The following DPY19L1 variants were observed in gnomAD, a reference collection of about 807,000 sequenced individuals.
DPY19L1 encodes dpy-19 like C-mannosyltransferase 1.
In DPY19L1, 35 loss-of-function variants were observed where a neutral mutation model predicts 96.9. The observed-to-expected ratio is 0.36, with a 90% CI of 0.28 to 0.48. The LOEUF (loss-of-function observed/expected upper bound fraction) is 0.48, where lower values mean the gene tolerates loss of function less well. Ranked by LOEUF, DPY19L1 falls within the 20% of genes least tolerant of loss-of-function variation. DPY19L1 has a pLI of 0.99. For missense variants in DPY19L1, 521 were observed against 777.9 expected, an observed-to-expected ratio of 0.67 and a Z score of 3.93; for synonymous variants, 205 against 252.6, an observed-to-expected ratio of 0.81 and a Z score of 1.79.
intron 7 of DPY19L1, among the ~76,000 whole-genome samples, chr7:34,989,224 C>T (rs563984878): frequency 6.6e-6 from 1 of 152,278 alleles, no homozygotes; most frequent in East Asian, 1.9e-4. Context: ...GTTTCTGCAA[C>T]AAAAAGTTAT....
At chr7:35,024,308 C>G (rs1407647716) in intron 1 of DPY19L1, among the ~76,000 whole-genome samples, 2 of 152,180 alleles carry the variant, frequency 1.3e-5, no homozygotes, top group Non-Finnish European at 2.9e-5. Context: ...GTTAAGGACA[C>G]TCCTTAAATC....
At chr7:35,005,683 C>T (rs529878897) in intron 6 of DPY19L1, among the ~76,000 whole-genome samples, 37 of 147,846 alleles carry the variant, frequency 2.5e-4, no homozygotes, top group Admixed American at 1.3e-3. Flanking sequence ...TGTGGTGGTG[C>T]GCGCCTGTAA....
At chr7:35,029,252 T>C (rs898633939) in intron 1 of DPY19L1, among the ~76,000 whole-genome samples, 1 of 152,238 alleles carries the variant, frequency 6.6e-6, no homozygotes, top group African/African-American at 2.4e-5. Flanking sequence ...AAAGTAACTT[T>C]CTTCTTATTA....
chr7:34,941,311 A>G (rs1784008533), intron 18 of DPY19L1, among the ~76,000 whole-genome samples: 1 of 152,206 alleles, frequency 6.6e-6, no homozygotes, highest in Admixed American at 6.5e-5. Context: ...CCACCAAGGA[A>G]GGCTTAAACT....
chr7:34,984,196 T>G (rs1181461697), intron 7 of DPY19L1, among the ~76,000 whole-genome samples: 1 of 152,164 alleles, frequency 6.6e-6, no homozygotes, highest in Non-Finnish European at 1.5e-5. Context: ...ATAAAATTCT[T>G]AAAACTAAAG....
At chr7:34,963,066 A>G (rs13311085) in intron 10 of DPY19L1, among the ~76,000 whole-genome samples, 1 of 151,868 alleles carries the variant, frequency 6.6e-6, no homozygotes, top group Non-Finnish European at 1.5e-5. Flanking sequence ...GTGGTGGCAC[A>G]TGCCTCTAAT....
In DPY19L1 at chr7:34,931,507, A is replaced by G. The variant is rs534300547; in HGVS notation, c.*66T>C. Reference sequence around the variant, plus strand: ...AAAGTTTTTGGGATATGAACAACACATGACTTAGCAAAACATTAAAACCAT... The same window carrying G: ...AAAGTTTTTGGGATATGAACAACACGTGACTTAGCAAAACATTAAAACCAT... On this transcript the variant is annotated 3_prime_UTR_variant, in exon 22 of 22. Coordinates refer to ENST00000638088, the MANE Select transcript of DPY19L1 (RefSeq NM_001366673.1). The G allele has an allele frequency of 1.4e-6, 2 of 1,429,444 alleles. No individual in the cohort carries two copies. The highest frequency in any genetic ancestry group is 5.4e-5 in the Admixed American group (2 of 37,134). 88.5% of individuals were successfully genotyped at this position (1,429,444 alleles called of 1,614,324 possible).
At position 34,974,897 on chromosome 7, in the gene DPY19L1, C is replaced by T. The variant is rs149064429; in HGVS notation, c.823-1292G>A. Among the ~76,000 whole-genome samples, 19 of 152,186 alleles carry T rather than the reference C, an allele frequency of 1.2e-4. No individual in the cohort carries two copies. In the East Asian group the frequency reaches 1.4e-3, roughly 11 times the overall value. On this transcript the variant is annotated intron_variant, in intron 7 of 21. Coordinates refer to ENST00000638088, the MANE Select transcript of DPY19L1 (RefSeq NM_001366673.1). Reference sequence around the variant, plus strand: ...TTTTTCATTATTACTATATCTGCTACGGTGATCTGTGATCAGTAATCTCTG... The same window carrying T: ...TTTTTCATTATTACTATATCTGCTATGGTGATCTGTGATCAGTAATCTCTG...
chr7:35,026,422 G>A (rs1015502442), intron 1 of DPY19L1, among the ~76,000 whole-genome samples: 1 of 152,178 alleles, frequency 6.6e-6, no homozygotes, highest in African/African-American at 2.4e-5. Context: ...CTGGCATGGG[G>A]GTTGGTGATT....
chr7:34,982,830 A>G (rs971964328), intron 7 of DPY19L1, among the ~76,000 whole-genome samples: 16 of 152,168 alleles, frequency 1.1e-4, no homozygotes, highest in African/African-American at 3.9e-4. Flanking sequence ...GGAGTGGGGG[A>G]GAGTCAGAAC....
chr7:34,981,517 T>A (rs532886040), intron 7 of DPY19L1, among the ~76,000 whole-genome samples: 12 of 152,238 alleles, frequency 7.9e-5, no homozygotes, highest in Non-Finnish European at 8.8e-5. Context: ...GGCATTTTTA[T>A]AATAGAGACA....
chr7:35,003,108 C>T (rs1222095537), intron 6 of DPY19L1, among the ~76,000 whole-genome samples: 6 of 152,246 alleles, frequency 3.9e-5, no homozygotes, highest in South Asian at 2.1e-4. Context: ...GTTCAACACT[C>T]GGCCAAACAG....
chr7:34,934,818 T>C (rs1185336296), intron 21 of DPY19L1, among the ~76,000 whole-genome samples: 1 of 152,190 alleles, frequency 6.6e-6, no homozygotes, highest in African/African-American at 2.4e-5. Context: ...TTGTTCACCC[T>C]CCGCTCACCT....
intron 8 of DPY19L1, 118 bp from the exon 9 acceptor site, chr7:34,969,650 C>T (rs1784684532): frequency 2.0e-6 from 1 of 491,298 alleles, no homozygotes; most frequent in Non-Finnish European, 3.4e-6. Context: ...ACAACCTAAA[C>T]ATAAAATGAA....
At chr7:34,932,867 T>C (rs891078586) in intron 21 of DPY19L1, among the ~76,000 whole-genome samples, 9 of 152,204 alleles carry the variant, frequency 5.9e-5, no homozygotes. Flanking sequence ...TCCCTTTTTA[T>C]TTTTAAATAA....
chr7:35,030,138 T>C (rs542579247), intron 1 of DPY19L1, among the ~76,000 whole-genome samples: 1 of 152,320 alleles, frequency 6.6e-6, no homozygotes, highest in South Asian at 2.1e-4. Flanking sequence ...AAGAACTTTA[T>C]GATTAATATG....
At chr7:35,004,658 T>C in intron 6 of DPY19L1, among the ~76,000 whole-genome samples, 1 of 152,242 alleles carries the variant, frequency 6.6e-6, no homozygotes, top group Non-Finnish European at 1.5e-5. Flanking sequence ...AAAAAAGTAT[T>C]TTACTGGTTA....
intron 10 of DPY19L1, among the ~76,000 whole-genome samples, chr7:34,964,440 TAA>T (rs1184043887): frequency 6.6e-6 from 1 of 152,092 alleles, no homozygotes; most frequent in Non-Finnish European, 1.5e-5. Flanking sequence ...AAGCCAAGTC[TAA>T]AAAATATATA....
intron 21 of DPY19L1, among the ~76,000 whole-genome samples, chr7:34,936,580 T>A (rs1002397732): frequency 1.3e-5 from 2 of 152,228 alleles, no homozygotes; most frequent in Non-Finnish European, 2.9e-5. Context: ...TATAATTTCC[T>A]AAGATCGTCA....
Sources: gnomAD v4.1 joint callset for allele counts (sites outside exome capture counted in the v4.1 genomes callset) on GRCh38, gnomAD v4.1.1 for gene constraint, MANE v1.5 for transcripts, NCBI Gene and HGNC (gene_info 2026-07-23, HGNC 2026-07-21) for gene names.